Variants in ADAMTSL3 observed in about 807,000 individuals in gnomAD.
ADAMTSL3 encodes ADAMTS like 3, also known as ADAMTS-like protein 3.
In ADAMTSL3, 128 loss-of-function variants were observed where a neutral mutation model predicts 201.7. The ratio of observed to expected loss-of-function variants is 0.63; its 90% CI spans 0.55 to 0.73. The LOEUF (loss-of-function observed/expected upper bound fraction) is 0.73, where lower values mean the gene tolerates loss of function less well. ADAMTSL3 is among the 30% of genes least tolerant of loss of function. The pLI is 0.00. For missense variants in ADAMTSL3, 1,990 were observed against 2,119.6 expected, an observed-to-expected ratio of 0.94 and a Z score of 1.20; for synonymous variants, 738 against 748.4, an observed-to-expected ratio of 0.99 and a Z score of 0.23.
intron 16 of ADAMTSL3, among the ~76,000 whole-genome samples, chr15:83,919,724 A>G (rs1681666626): frequency 1.3e-5 from 2 of 152,146 alleles, no homozygotes; most frequent in South Asian, 4.1e-4. Context: ...CCTTGGGTAC[A>G]TTTAAAAGGC....
At chr15:83,864,565 G>C (rs180806898) in intron 8 of ADAMTSL3, among the ~76,000 whole-genome samples, 8 of 151,204 alleles carry the variant, frequency 5.3e-5, no homozygotes, top group South Asian at 4.2e-4. Flanking sequence ...ATTCAACAAC[G>C]CTTCATGCTA....
chr15:83,970,744 C>A, intron 20 of ADAMTSL3, 107 bp downstream of exon 20: 1 of 1,390,208 alleles, frequency 7.2e-7, no homozygotes, highest in Non-Finnish European at 9.9e-7. Flanking sequence ...GTGGGTAAGG[C>A]AACTCAAGCT....
At chr15:83,728,383 T>C (rs1026162327) in intron 3 of ADAMTSL3, among the ~76,000 whole-genome samples, 2 of 151,852 alleles carry the variant, frequency 1.3e-5, no homozygotes, top group Admixed American at 1.3e-4. Flanking sequence ...GTATGGACTT[T>C]TGCCATTTTG....
At chr15:83,690,460 T>A (rs2061595672) in intron 2 of ADAMTSL3, among the ~76,000 whole-genome samples, 1 of 152,148 alleles carries the variant, frequency 6.6e-6, no homozygotes, top group African/African-American at 2.4e-5. Flanking sequence ...TTGTTCATTA[T>A]GCCCCTGTTG....
Position 84,009,700 on chromosome 15 carries a change from A to G in ADAMTSL3, c.3974-4842A>G, listed in dbSNP as rs141061933. ...TTGATAGAAGTGCTACATTTCAACT[A>G]GAGTTGGTGAAAAGGTCACCGACTC... is the stretch of plus-strand genomic sequence containing the variant. On this transcript the variant is annotated intron_variant, in intron 23 of 29. Coordinates refer to ENST00000286744, the MANE Select transcript of ADAMTSL3 (RefSeq NM_207517.3). Among the ~76,000 whole-genome samples the G allele has an allele frequency of 3.7e-3, 571 of 152,334 alleles. 2 individuals carry two copies. The highest frequency in any genetic ancestry group is 0.017 in the Middle Eastern group (5 of 294).
At chr15:83,711,001 T>G (rs929776028) in intron 3 of ADAMTSL3, among the ~76,000 whole-genome samples, 23 of 152,244 alleles carry the variant, frequency 1.5e-4, no homozygotes, top group Admixed American at 1.4e-3. Context: ...AATGTTTGAA[T>G]GAATTTTTAA....
chr15:83,982,857 A>G lies in ADAMTSL3; in HGVS notation c.3229A>G (p.Asn1077Asp), dbSNP rs776912357. 11 of 1,614,028 alleles carry G rather than the reference A, an allele frequency of 6.8e-6. No individual in the cohort carries two copies. In the African/African-American group the frequency reaches 9.3e-5, roughly 14 times the overall value. Reference protein sequence around the residue: ...AGSTNSWELKNKQFEAAVKQG... With the variant: ...AGSTNSWELKDKQFEAAVKQG... Reference sequence around the variant, plus strand: ...AAGCACCAACTCCTGGGAGTTGAAGAATAAGCAGTTTGAAGCAGCAGTTAA... The same window carrying G: ...AAGCACCAACTCCTGGGAGTTGAAGGATAAGCAGTTTGAAGCAGCAGTTAA... The change falls in exon 21 of 30, where the codon AAT (asparagine) becomes GAT (aspartate). Residue 1077 changes from asparagine (N) to aspartate (D), a missense_variant. Coordinates refer to ENST00000286744, the MANE Select transcript of ADAMTSL3 (RefSeq NM_207517.3).
chr15:83,939,428 G>C (rs2066516040), intron 17 of ADAMTSL3, among the ~76,000 whole-genome samples: 1 of 152,002 alleles, frequency 6.6e-6, no homozygotes, highest in African/African-American at 2.4e-5. Context: ...GTTTTGATAA[G>C]TTGGTTTTTG....
In ADAMTSL3 at chr15:83,655,870, C is replaced by T. The variant is rs528396669; in HGVS notation, c.69+40C>T. 3.5e-5 allele frequency: 56 copies of T among 1,587,910 alleles called. 1 individual carries two copies. The Admixed American group carries it at 5.8e-4, about 16-fold the overall frequency. ...GGAGGGGAAGGGAAATGGTGGACAT[C>T]CCTCTGTTTACTCAGAGGCATTATT... On this transcript the variant is annotated intron_variant, in intron 2 of 29. Coordinates refer to ENST00000286744, the MANE Select transcript of ADAMTSL3 (RefSeq NM_207517.3).
At chr15:83,844,519 C>G (rs1471665771) in intron 7 of ADAMTSL3, among the ~76,000 whole-genome samples, 1 of 152,194 alleles carries the variant, frequency 6.6e-6, no homozygotes, top group Non-Finnish European at 1.5e-5. Context: ...CCTCCACATT[C>G]GTCTTTCTAG....
intron 10 of ADAMTSL3, among the ~76,000 whole-genome samples, chr15:83,888,975 G>A (rs556617653): frequency 3.3e-5 from 5 of 151,972 alleles, no homozygotes; most frequent in Admixed American, 2.0e-4. Context: ...TTTTTCTTTC[G>A]TAAAGAGCTC....
At chr15:83,657,320 C>T (rs1298951466) in intron 2 of ADAMTSL3, among the ~76,000 whole-genome samples, 1 of 152,224 alleles carries the variant, frequency 6.6e-6, no homozygotes, top group Non-Finnish European at 1.5e-5. Flanking sequence ...TTGAATCACT[C>T]ACTGACCTCT....
At chr15:83,738,091 G>C (rs2062395939) in intron 3 of ADAMTSL3, among the ~76,000 whole-genome samples, 1 of 152,132 alleles carries the variant, frequency 6.6e-6, no homozygotes, top group Non-Finnish European at 1.5e-5. Flanking sequence ...ACCTAGCAAA[G>C]CAATAATAAC....
Position 83,803,602 on chromosome 15 carries a change from G to A in ADAMTSL3, c.318-1048G>A, listed in dbSNP as rs141921206. ...CATGAAGAGATCAGATATTTTTAAG[G>A]AGTTTATGTAAAATATAGACAGACA... is the stretch of plus-strand genomic sequence containing the variant. On this transcript the variant is annotated intron_variant, in intron 4 of 29. Transcript: ENST00000286744. 2.1e-3 allele frequency among the ~76,000 whole-genome samples: 316 copies of A among 152,206 alleles called. 1 individual carries two copies. The highest frequency in any genetic ancestry group is 7.3e-3 in the African/African-American group (305 of 41,516).
chr15:83,858,698 T>A, intron 7 of ADAMTSL3, 68 bp from the exon 8 acceptor site: 1 of 1,281,304 alleles, frequency 7.8e-7, no homozygotes, highest in Admixed American at 2.0e-5. Context: ...CAGTTTTGAT[T>A]GACTTGCTCA....
chr15:83,720,523 G>A (rs568206245), intron 3 of ADAMTSL3, among the ~76,000 whole-genome samples: 14 of 152,276 alleles, frequency 9.2e-5, no homozygotes, highest in African/African-American at 3.1e-4. Context: ...AAGCATCCCC[G>A]TGATACTTCA....
chr15:83,970,498 TG>T lies in ADAMTSL3; in HGVS notation c.2507del (p.Gly836ValfsTer26), dbSNP rs1388167427. The T allele has an allele frequency of 4.3e-6, 7 of 1,614,180 alleles. No homozygotes were observed. The South Asian group carries it at 7.7e-5, about 18-fold the overall frequency. ...TCTCATTTCAGTGTTCTGTCAGTTG[TG>T]GTGTTGGAATCCAGAGAAGAAAGCA... is the stretch of plus-strand genomic sequence containing the variant. The part of the protein sequence containing the change: ...GDWSKCSVSC[G>X]VGIQRRKQVC... On this transcript the variant is annotated frameshift_variant, in exon 20 of 30. Transcript: ENST00000286744. LOFTEE classifies it high-confidence loss of function.
intron 17 of ADAMTSL3, among the ~76,000 whole-genome samples, chr15:83,936,668 C>A (rs747005824): frequency 2.7e-5 from 4 of 150,738 alleles, no homozygotes; most frequent in Non-Finnish European, 5.9e-5. Flanking sequence ...ACAAATGAGA[C>A]GTAATTAAAC....
chr15:83,880,269 A>G (rs2065245993), intron 9 of ADAMTSL3, among the ~76,000 whole-genome samples: 1 of 152,072 alleles, frequency 6.6e-6, no homozygotes, highest in African/African-American at 2.4e-5. Context: ...CTTTACCTGT[A>G]TCCAATTTGT....
Sources: allele counts gnomAD v4.1 joint callset (sites outside exome capture counted in the v4.1 genomes callset), GRCh38; gene constraint gnomAD v4.1.1; transcripts MANE v1.5; gene names NCBI Gene and HGNC (gene_info 2026-07-23, HGNC 2026-07-21).